Variants in PTPRD observed in about 807,000 individuals in gnomAD.
PTPRD encodes protein tyrosine phosphatase receptor type D, also known as receptor-type tyrosine-protein phosphatase delta.
Under a neutral mutation model 214.5 loss-of-function variants are expected in PTPRD, and 34 were observed. That is an observed-to-expected ratio of 0.16 (90% confidence interval 0.12 to 0.21). PTPRD has a LOEUF of 0.21. Among genes scored for constraint, PTPRD ranks in the 10% least tolerant of loss-of-function variants. The pLI is 1.00. For missense variants in PTPRD, 2,545 were observed against 2,398.7 expected (o/e 1.06, Z -1.27); for synonymous variants, 1,128 against 845.7 (o/e 1.33, Z -5.79).
chr9:10,420,120 G>C (rs968419663), intron 2 of PTPRD, among the ~76,000 whole-genome samples: 3 of 151,756 alleles, frequency 2.0e-5, no homozygotes, highest in Non-Finnish European at 2.9e-5. Flanking sequence ...TGAGTAAAAA[G>C]AGGAGGAAGA....
At chr9:8,616,692 C>A (rs866181441) in intron 14 of PTPRD, among the ~76,000 whole-genome samples, 2 of 152,232 alleles carry the variant, frequency 1.3e-5, no homozygotes, top group South Asian at 2.1e-4. Flanking sequence ...ACAATAGATA[C>A]CCTACTTTCA....
intron 11 of PTPRD, among the ~76,000 whole-genome samples, chr9:8,910,549 T>TA (rs1374989154): frequency 6.6e-6 from 1 of 152,100 alleles, no homozygotes; most frequent in Non-Finnish European, 1.5e-5. Flanking sequence ...CACCATGTGA[T>TA]ACCCTGCACT....
intron 9 of PTPRD, among the ~76,000 whole-genome samples, chr9:9,373,011 CT>C (rs1341109902): frequency 1.3e-5 from 2 of 152,060 alleles, no homozygotes; most frequent in Admixed American, 1.3e-4. Flanking sequence ...AGACTTTCTT[CT>C]TCTACATCTC....
At chr9:10,342,174 G>A (rs1034388837) in intron 2 of PTPRD, among the ~76,000 whole-genome samples, 4 of 152,014 alleles carry the variant, frequency 2.6e-5, no homozygotes, top group Non-Finnish European at 4.4e-5. Context: ...TTCACTGGAA[G>A]ATCATCAGAT....
intron 2 of PTPRD, among the ~76,000 whole-genome samples, chr9:10,363,481 TTG>T (rs2097435834): frequency 6.6e-6 from 1 of 152,216 alleles, no homozygotes; most frequent in South Asian, 2.1e-4. Context: ...GCTACTGGAA[TTG>T]TCACATGTGA....
At chr9:9,777,691 T>C (rs2098809442) in intron 5 of PTPRD, among the ~76,000 whole-genome samples, 1 of 152,184 alleles carries the variant, frequency 6.6e-6, no homozygotes, top group Non-Finnish European at 1.5e-5. Flanking sequence ...AGTGAGCCTC[T>C]ATCTCAACAA....
chr9:8,521,470 G>A lies in PTPRD; in HGVS notation c.768C>T (p.Thr256=), dbSNP rs2138898632. ...EIMPGGSVNI[T]CVAVGSPMPY... Reference sequence around the variant, plus strand: ...GCATTGGTGACCCCACGGCCACACAGGTGATATTAACGCTTCCGCCTGGCA... The same window carrying A: ...GCATTGGTGACCCCACGGCCACACAAGTGATATTAACGCTTCCGCCTGGCA... Residue 256 remains threonine (T), a synonymous_variant, in exon 20 of 46, where the codon ACC becomes ACT. Transcript: ENST00000381196. 6.2e-7 allele frequency: 1 copy of A among 1,613,990 alleles called. No homozygotes were observed. The highest frequency in any genetic ancestry group is 8.5e-7 in the Non-Finnish European group (1 of 1,179,930).
chr9:10,321,688 A>C (rs2096555517), intron 3 of PTPRD, among the ~76,000 whole-genome samples: 2 of 152,056 alleles, frequency 1.3e-5, no homozygotes, highest in African/African-American at 2.4e-5. Context: ...AATTTAAAAG[A>C]AACAATGGTG....
chr9:10,246,635 C>T (rs9298652), intron 3 of PTPRD, among the ~76,000 whole-genome samples: 80,241 of 151,908 alleles, frequency 0.53, 22,595 homozygotes, highest in East Asian at 0.68. Context: ...ATGCCTATGA[C>T]GACAGTGATG....
chr9:10,458,198 T>A (rs942184702), intron 2 of PTPRD, among the ~76,000 whole-genome samples: 1 of 152,116 alleles, frequency 6.6e-6, no homozygotes, highest in Non-Finnish European at 1.5e-5. Context: ...TCACATTTTA[T>A]GAAGCCAGCA....
At chr9:10,544,310 G>A (rs548411774) in intron 2 of PTPRD, among the ~76,000 whole-genome samples, 2 of 152,186 alleles carry the variant, frequency 1.3e-5, no homozygotes, top group Admixed American at 1.3e-4. Context: ...TATTTTGAAA[G>A]AGGTTTATAT....
chr9:8,552,127 C>T (rs2082291812), intron 14 of PTPRD, among the ~76,000 whole-genome samples: 1 of 152,092 alleles, frequency 6.6e-6, no homozygotes, highest in Non-Finnish European at 1.5e-5. Flanking sequence ...TGGTCACAGG[C>T]ACCTCCTTGC....
intron 3 of PTPRD, among the ~76,000 whole-genome samples, chr9:10,245,252 A>G (rs548670646): frequency 1.3e-5 from 2 of 152,280 alleles, no homozygotes; most frequent in East Asian, 3.9e-4. Flanking sequence ...TGTAAAGCAG[A>G]GACAGCATTA....
chr9:8,462,903 T>C (rs2096453497), intron 32 of PTPRD, among the ~76,000 whole-genome samples: 1 of 151,958 alleles, frequency 6.6e-6, no homozygotes, highest in Non-Finnish European at 1.5e-5. Flanking sequence ...GGGATTTATA[T>C]ATTATTTGTG....
intron 8 of PTPRD, among the ~76,000 whole-genome samples, chr9:9,568,717 G>A (rs1346750362): frequency 2.0e-5 from 3 of 151,878 alleles, no homozygotes; most frequent in South Asian, 2.1e-4. Flanking sequence ...ATAACTTAAT[G>A]GGAGGTAGCT....
intron 4 of PTPRD, among the ~76,000 whole-genome samples, chr9:9,979,084 A>C (rs1453293108): frequency 2.6e-5 from 4 of 152,062 alleles, no homozygotes; most frequent in Non-Finnish European, 5.9e-5. Context: ...TTCAGACAAA[A>C]CTAAAGCTGA....
At chr9:8,476,866 A>C (rs963957559) in intron 30 of PTPRD, among the ~76,000 whole-genome samples, 1 of 152,026 alleles carries the variant, frequency 6.6e-6, no homozygotes, top group Admixed American at 6.6e-5. Context: ...AGAATTTTCA[A>C]CTCTCAGTCT....
At chr9:9,419,128 T>TACACACACACACACAC (rs142908778) in intron 8 of PTPRD, among the ~76,000 whole-genome samples, 7 of 139,900 alleles carry the variant, frequency 5.0e-5, no homozygotes, top group African/African-American at 1.6e-4. Flanking sequence ...AGGCCCCTTA[T>TACACACACACACACAC]ACACACACAC....
At chr9:10,238,606 G>A (rs577903263) in intron 3 of PTPRD, among the ~76,000 whole-genome samples, 4 of 151,824 alleles carry the variant, frequency 2.6e-5, no homozygotes, top group South Asian at 4.1e-4. Context: ...TTCCTTAAAT[G>A]TATACAATTT....
Sources: allele counts gnomAD v4.1 joint callset (sites outside exome capture counted in the v4.1 genomes callset), GRCh38; gene constraint gnomAD v4.1.1; transcripts MANE v1.5; gene names NCBI Gene and HGNC (gene_info 2026-07-23, HGNC 2026-07-21).